Variants in EXOC4 observed in about 807,000 individuals in gnomAD.
The protein encoded by EXOC4 is SEC8-like 1.
EXOC4 carries 71 observed loss-of-function variants against 107.2 expected under a neutral mutation model. The observed-to-expected ratio is 0.66, with a 90% CI of 0.55 to 0.81. The LOEUF (loss-of-function observed/expected upper bound fraction) is 0.81. Ranked by LOEUF, EXOC4 falls within the 30% of genes least tolerant of loss-of-function variation. EXOC4 has a pLI of 0.00. For missense variants in EXOC4, 1,108 were observed against 1,189.6 expected (o/e 0.93, Z 1.01); for synonymous variants, 456 against 441.2 (o/e 1.03, Z -0.42).
intron 9 of EXOC4, chr7:133,576,365 T>C: frequency 1.4e-6 from 1 of 728,288 alleles, no homozygotes; most frequent in Non-Finnish European, 1.9e-6. Flanking sequence ...GAAAAGTGAT[T>C]GGTTGGCTTG....
chr7:133,728,402 G>C (rs1795260039), intron 10 of EXOC4, among the ~76,000 whole-genome samples: 1 of 152,162 alleles, frequency 6.6e-6, no homozygotes, highest in Non-Finnish European at 1.5e-5. Context: ...GTTTACTGTA[G>C]ACAGTTTTTT....
intron 15 of EXOC4, among the ~76,000 whole-genome samples, chr7:134,004,321 C>T (rs4731990): frequency 0.74 from 112,125 of 152,072 alleles, 42,164 homozygotes; most frequent in East Asian, 0.91. Context: ...TAACACTTTA[C>T]ATGTAGTAGT....
At chr7:133,521,334 T>G (rs1799973777) in intron 9 of EXOC4, among the ~76,000 whole-genome samples, 1 of 152,198 alleles carries the variant, frequency 6.6e-6, no homozygotes, top group East Asian at 1.9e-4. Context: ...AAAACAAATT[T>G]TTCTTCCATG....
intron 11 of EXOC4, among the ~76,000 whole-genome samples, chr7:133,853,540 G>A (rs1798285821): frequency 6.6e-6 from 1 of 152,042 alleles, no homozygotes; most frequent in Non-Finnish European, 1.5e-5. Context: ...TTCAATATTC[G>A]TATTGTCAGT....
At chr7:133,774,970 C>G (rs1343287361) in intron 10 of EXOC4, among the ~76,000 whole-genome samples, 3 of 151,478 alleles carry the variant, frequency 2.0e-5, no homozygotes, top group South Asian at 2.1e-4. Context: ...AAAGTCTATT[C>G]TCTCTAGCAG....
intron 9 of EXOC4, among the ~76,000 whole-genome samples, chr7:133,624,027 G>A (rs748920380): frequency 7.9e-5 from 12 of 152,160 alleles, no homozygotes; most frequent in Non-Finnish European, 1.3e-4. Flanking sequence ...ATGCAGTCAG[G>A]AGTTCCATAT....
At chr7:133,316,404 C>T (rs1478246916) in intron 4 of EXOC4, among the ~76,000 whole-genome samples, 1 of 152,156 alleles carries the variant, frequency 6.6e-6, no homozygotes, top group Non-Finnish European at 1.5e-5. Flanking sequence ...GCTTCCACTT[C>T]CCTACCCTTG....
chr7:133,712,051 G>A (rs900271374), intron 10 of EXOC4, among the ~76,000 whole-genome samples: 2 of 152,050 alleles, frequency 1.3e-5, no homozygotes, highest in Non-Finnish European at 2.9e-5. Flanking sequence ...GCTTAAAAAA[G>A]ACTGAAGTAC....
intron 13 of EXOC4, among the ~76,000 whole-genome samples, chr7:133,927,356 A>G (rs1800075354): frequency 6.6e-6 from 1 of 152,220 alleles, no homozygotes; most frequent in Non-Finnish European, 1.5e-5. Context: ...GAAATCTAGC[A>G]GAGCCAGGAA....
At chr7:133,269,159 T>G (rs1290209967) in intron 1 of EXOC4, among the ~76,000 whole-genome samples, 1 of 152,218 alleles carries the variant, frequency 6.6e-6, no homozygotes, top group Admixed American at 6.5e-5. Context: ...GATTCAAGAC[T>G]GTTATTACTA....
Position 133,475,596 on chromosome 7 carries a change from T to C in EXOC4, c.1328+123T>C. On this transcript the variant is annotated intron_variant, in intron 8 of 17. Coordinates refer to ENST00000253861, the MANE Select transcript of EXOC4 (RefSeq NM_021807.4). ...GTTGATTGAAGTAATTTAGAGGAAG[T>C]GAATATATGTTGAGTTTTATTTATT... 7.2e-6 allele frequency: 6 copies of C among 829,608 alleles called. No homozygotes were observed. In the South Asian group the frequency reaches 1.2e-4, roughly 16 times the overall value. 51.4% of individuals were successfully genotyped at this position (829,608 alleles called of 1,614,324 possible). A position where few individuals can be genotyped will look rare whatever the true frequency, so the allele number is the denominator to read the frequency against.
chr7:133,736,841 A>C (rs191990347), intron 10 of EXOC4, among the ~76,000 whole-genome samples: 5 of 152,286 alleles, frequency 3.3e-5, no homozygotes, highest in Admixed American at 1.3e-4. Context: ...TCTTTCCCCA[A>C]ACCCAGAATC....
chr7:133,375,739 A>T (rs1050939708), intron 7 of EXOC4, among the ~76,000 whole-genome samples: 8 of 152,172 alleles, frequency 5.3e-5, no homozygotes, highest in African/African-American at 1.2e-4. Context: ...ATTTTGAGAG[A>T]TGAGAATAGA....
intron 1 of EXOC4, among the ~76,000 whole-genome samples, chr7:133,274,623 GT>G (rs1471615747): frequency 1.3e-5 from 2 of 152,248 alleles, no homozygotes; most frequent in East Asian, 3.9e-4. Flanking sequence ...TACTTCCTTA[GT>G]TTTGTCTCAT....
intron 4 of EXOC4, among the ~76,000 whole-genome samples, chr7:133,310,635 A>G (rs1030082412): frequency 6.6e-6 from 1 of 152,192 alleles, no homozygotes; most frequent in East Asian, 1.9e-4. Flanking sequence ...CTGAGCACAC[A>G]CAGTCTTAGA....
chr7:133,425,930 C>A (rs1026196071), intron 7 of EXOC4, among the ~76,000 whole-genome samples: 1 of 152,140 alleles, frequency 6.6e-6, no homozygotes, highest in East Asian at 1.9e-4. Context: ...TGGACCAAAC[C>A]GTTATATTTC....
At chr7:133,466,454 T>C (rs997374325) in intron 7 of EXOC4, among the ~76,000 whole-genome samples, 4 of 152,132 alleles carry the variant, frequency 2.6e-5, no homozygotes, top group African/African-American at 9.7e-5. Context: ...AATCAGACGA[T>C]GTAGATGAAA....
intron 5 of EXOC4, among the ~76,000 whole-genome samples, chr7:133,325,834 C>T (rs187144479): frequency 9.8e-4 from 150 of 152,300 alleles, no homozygotes; most frequent in African/African-American, 2.8e-3. Flanking sequence ...TTCTCCCTGT[C>T]GCTTTCAGGT....
At chr7:133,377,061 GA>G (rs1314279086) in intron 7 of EXOC4, among the ~76,000 whole-genome samples, 1 of 152,094 alleles carries the variant, frequency 6.6e-6, no homozygotes, top group African/African-American at 2.4e-5. Context: ...TATCTAAAAT[GA>G]AAAATCCACC....
Sources: allele counts gnomAD v4.1 joint callset (sites outside exome capture counted in the v4.1 genomes callset), GRCh38; gene constraint gnomAD v4.1.1; transcripts MANE v1.5; gene names NCBI Gene and HGNC (gene_info 2026-07-23, HGNC 2026-07-21).